Variants in EPC2 observed in about 807,000 individuals in gnomAD.
EPC2 encodes enhancer of polycomb 2, also known as enhancer of polycomb homolog 2.
A neutral mutation model predicts 92.1 loss-of-function variants in EPC2; 14 were observed. That is an observed-to-expected ratio of 0.15 (90% CI 0.10 to 0.24). The LOEUF (loss-of-function observed/expected upper bound fraction) is 0.24. Among genes scored for constraint, EPC2 ranks in the 10% least tolerant of loss-of-function variants. The pLI is 1.00. For synonymous variants in EPC2, 340 were observed against 334.7 expected (o/e 1.02, Z -0.17); for missense variants, 755 against 971.5 (o/e 0.78, Z 2.96).
intron 1 of EPC2, among the ~76,000 whole-genome samples, chr2:148,671,885 C>T (rs186273194): frequency 6.8e-4 from 104 of 151,992 alleles, no homozygotes; most frequent in African/African-American, 2.5e-3. Context: ...ATAGTTGAGC[C>T]TTGGATTACA....
At chr2:148,690,421 A>G (rs763274810) in intron 2 of EPC2, 48 bp downstream of exon 2, 5 of 1,481,096 alleles carry the variant, frequency 3.4e-6, no homozygotes, top group South Asian at 2.9e-5. Context: ...AAATTTATCA[A>G]CCAGTGGAAA....
intron 2 of EPC2, among the ~76,000 whole-genome samples, chr2:148,698,536 T>C (rs1382823531): frequency 6.7e-6 from 1 of 148,322 alleles, no homozygotes; most frequent in South Asian, 2.1e-4. Flanking sequence ...CTCCGGAGGC[T>C]GAGGCAGAAG....
chr2:148,731,528 G>T (rs1257685270), intron 2 of EPC2, among the ~76,000 whole-genome samples: 1 of 152,008 alleles, frequency 6.6e-6, no homozygotes, highest in Non-Finnish European at 1.5e-5. Flanking sequence ...TCAGCTTCCC[G>T]AATAGCTGGG....
intron 4 of EPC2, among the ~76,000 whole-genome samples, chr2:148,756,696 T>G (rs1683197097): frequency 6.6e-6 from 1 of 152,234 alleles, no homozygotes; most frequent in South Asian, 2.1e-4. Flanking sequence ...TTAATATATT[T>G]AACCACATAG....
intron 1 of EPC2, among the ~76,000 whole-genome samples, chr2:148,662,282 A>C (rs1015543531): frequency 3.3e-5 from 5 of 152,178 alleles, no homozygotes; most frequent in Non-Finnish European, 7.4e-5. Context: ...ATCTAGAACT[A>C]GAAATACCAT....
intron 1 of EPC2, among the ~76,000 whole-genome samples, chr2:148,649,569 T>C (rs1270940807): frequency 6.6e-6 from 1 of 152,260 alleles, no homozygotes. Context: ...TTTATGCATC[T>C]CTCTGATTTT....
chr2:148,699,057 A>G (rs960968771), intron 2 of EPC2, among the ~76,000 whole-genome samples: 27 of 152,298 alleles, frequency 1.8e-4, no homozygotes, highest in African/African-American at 6.5e-4. Flanking sequence ...TTCTACCTTA[A>G]TTATTGAGAA....
chr2:148,716,692 C>T (rs1281149639), intron 2 of EPC2, among the ~76,000 whole-genome samples: 1 of 152,080 alleles, frequency 6.6e-6, no homozygotes, highest in Admixed American at 6.6e-5. Context: ...AGATGTTGGC[C>T]TGAAGTTTTC....
At chr2:148,646,719 T>C (rs1429835686) in intron 1 of EPC2, among the ~76,000 whole-genome samples, 3 of 152,164 alleles carry the variant, frequency 2.0e-5, no homozygotes, top group African/African-American at 7.2e-5. Context: ...ACTTTGGATA[T>C]TTTTGCTATT....
chr2:148,697,405 C>G (rs1681770696), intron 2 of EPC2, among the ~76,000 whole-genome samples: 1 of 151,124 alleles, frequency 6.6e-6, no homozygotes, highest in African/African-American at 2.4e-5. Context: ...ATGCACTGTT[C>G]TCATTTGGCC....
intron 1 of EPC2, among the ~76,000 whole-genome samples, chr2:148,651,611 GT>G (rs768212759): frequency 3.9e-5 from 6 of 152,088 alleles, no homozygotes; most frequent in Non-Finnish European, 7.4e-5. Flanking sequence ...TGGAGTTTTT[GT>G]TTCTAGTTCT....
chr2:148,700,905 C>T (rs1020101055), intron 2 of EPC2, among the ~76,000 whole-genome samples: 6 of 152,058 alleles, frequency 3.9e-5, no homozygotes, highest in Non-Finnish European at 5.9e-5. Context: ...TCTTCCTGTC[C>T]ATGAACATGG....
chr2:148,743,740 C>A lies in EPC2; in HGVS notation c.432C>A (p.Asp144Glu). 6.2e-7 allele frequency: 1 copy of A among 1,600,606 alleles called. No homozygotes were observed. Among genetic ancestry groups the A allele is most frequent in the South Asian group, 1.1e-5 (1 of 88,472 alleles). The change falls in exon 3 of 14, where the codon GAC becomes GAA. Residue 144 changes from aspartate (D) to glutamate (E), a missense_variant. By Grantham distance (45) the Asp-to-Glu change is conservative. Coordinates refer to ENST00000258484, the MANE Select transcript of EPC2 (RefSeq NM_015630.4). ...IKPLQFEIMI[D>E]RLEKASSNQL... ...CTTTGCAATTTGAAATTATGATTGA[C>A]AGACTTGAAAAAGCCAGTTCTAATC...
chr2:148,657,117 A>G (rs1252689509), intron 1 of EPC2, among the ~76,000 whole-genome samples: 1 of 152,112 alleles, frequency 6.6e-6, no homozygotes, highest in Non-Finnish European at 1.5e-5. Flanking sequence ...TAGGACGGGC[A>G]AAATTGTATT....
intron 11 of EPC2, among the ~76,000 whole-genome samples, chr2:148,782,723 T>C (rs1268233675): frequency 6.7e-6 from 1 of 149,330 alleles, no homozygotes; most frequent in Non-Finnish European, 1.5e-5. Context: ...ATAAGCTTCA[T>C]TGTGGACTTC....
At chr2:148,672,768 A>G (rs894558385) in intron 1 of EPC2, among the ~76,000 whole-genome samples, 3 of 152,136 alleles carry the variant, frequency 2.0e-5, no homozygotes, top group South Asian at 4.1e-4. Flanking sequence ...CTATTTGCCT[A>G]TATATTTACT....
At chr2:148,699,652 CATCTTG>C (rs1373347890) in intron 2 of EPC2, among the ~76,000 whole-genome samples, 4 of 152,180 alleles carry the variant, frequency 2.6e-5, no homozygotes, top group Non-Finnish European at 5.9e-5. Context: ...TATTAAAAGA[CATCTTG>C]ATTGCTTCCA....
intron 1 of EPC2, among the ~76,000 whole-genome samples, chr2:148,689,253 T>C (rs1422793173): frequency 6.6e-6 from 1 of 151,592 alleles, no homozygotes; most frequent in Non-Finnish European, 1.5e-5. Flanking sequence ...CTCGGCTCAC[T>C]GTAACCTCTG....
chr2:148,647,267 C>T (rs1004568514), intron 1 of EPC2, among the ~76,000 whole-genome samples: 1 of 152,244 alleles, frequency 6.6e-6, no homozygotes, highest in African/African-American at 2.4e-5. Context: ...TTTTTTCATG[C>T]TTCATTAAAA....
Sources: gnomAD v4.1 joint callset for allele counts (sites outside exome capture counted in the v4.1 genomes callset) on GRCh38, gnomAD v4.1.1 for gene constraint, MANE v1.5 for transcripts, NCBI Gene and HGNC (gene_info 2026-07-23, HGNC 2026-07-21) for gene names.